Variants in ZBTB20 observed in about 807,000 individuals in gnomAD.
ZBTB20 encodes the protein zinc finger and BTB domain-containing protein 20.
In ZBTB20, 9 loss-of-function variants were observed where a neutral mutation model predicts 56.9. That is an observed-to-expected ratio of 0.16 (90% CI 0.10 to 0.28). The LOEUF is 0.28. ZBTB20 is among the 10% of genes least tolerant of loss of function. The pLI, the probability that ZBTB20 is intolerant of heterozygous loss-of-function variation, is 1.00. For synonymous variants in ZBTB20, 417 were observed against 420.7 expected (o/e 0.99, Z 0.11); for missense variants, 655 against 1,003.0 (o/e 0.65, Z 4.69).
intron 6 of ZBTB20, among the ~76,000 whole-genome samples, chr3:114,666,025 C>G (rs1243236353): frequency 1.3e-5 from 2 of 152,006 alleles, no homozygotes; most frequent in Non-Finnish European, 2.9e-5. Context: ...TGTCACTATC[C>G]TAAATGGACC....
intron 1 of ZBTB20, among the ~76,000 whole-genome samples, chr3:115,111,005 A>AAAATAAAAAT (rs2083863730): frequency 1.4e-5 from 2 of 144,748 alleles, no homozygotes; most frequent in Non-Finnish European, 3.0e-5. Flanking sequence ...AATAAAAATA[A>AAAATAAAAAT]AAATAAATAA....
chr3:115,044,826 T>C (rs1378479073), intron 2 of ZBTB20, among the ~76,000 whole-genome samples: 1 of 152,206 alleles, frequency 6.6e-6, no homozygotes, highest in Non-Finnish European at 1.5e-5. Flanking sequence ...TATGTGGATA[T>C]TGTGAGAATT....
intron 2 of ZBTB20, among the ~76,000 whole-genome samples, chr3:114,992,414 CTCTT>C (rs767756986): frequency 1.3e-5 from 2 of 152,092 alleles, no homozygotes; most frequent in South Asian, 4.1e-4. Context: ...AGTTGTATCT[CTCTT>C]TCTTTTCATA....
chr3:114,460,075 G>C (rs1173824150), intron 7 of ZBTB20, among the ~76,000 whole-genome samples: 1 of 152,024 alleles, frequency 6.6e-6, no homozygotes, highest in East Asian at 1.9e-4. Context: ...TGGTAGAAGT[G>C]AACTAGTGCT....
At chr3:114,728,231 T>C (rs2065450344) in intron 5 of ZBTB20, among the ~76,000 whole-genome samples, 1 of 152,160 alleles carries the variant, frequency 6.6e-6, no homozygotes, top group South Asian at 2.1e-4. Flanking sequence ...GAAGGAGAAA[T>C]GCATTTGTAT....
intron 6 of ZBTB20, among the ~76,000 whole-genome samples, chr3:114,584,101 T>C (rs2054927936): frequency 6.6e-6 from 1 of 152,214 alleles, no homozygotes; most frequent in African/African-American, 2.4e-5. Flanking sequence ...GAGGTGTTTT[T>C]CTTCTTTCCT....
chr3:114,460,938 T>C (rs1349643754), intron 7 of ZBTB20, among the ~76,000 whole-genome samples: 1 of 152,234 alleles, frequency 6.6e-6, no homozygotes, highest in African/African-American at 2.4e-5. Flanking sequence ...TCTTTTCTCC[T>C]GACACTAAGA....
intron 4 of ZBTB20, among the ~76,000 whole-genome samples, chr3:114,811,389 A>C (rs1327910625): frequency 1.3e-5 from 2 of 152,220 alleles, no homozygotes; most frequent in African/African-American, 4.8e-5. Context: ...TCCACAATAA[A>C]GTTCCCTTGA....
chr3:114,423,775 A>T (rs1245407573), intron 7 of ZBTB20, among the ~76,000 whole-genome samples: 1 of 152,222 alleles, frequency 6.6e-6, no homozygotes, highest in Non-Finnish European at 1.5e-5. Flanking sequence ...AATTTAGTTA[A>T]CATGCTACTA....
chr3:114,792,033 T>C (rs2070994294), intron 5 of ZBTB20: 1 of 152,114 alleles, frequency 6.6e-6, no homozygotes, highest in Admixed American at 6.6e-5. Flanking sequence ...GTAACACTCT[T>C]TATTGTTCCT....
intron 11 of ZBTB20, among the ~76,000 whole-genome samples, chr3:114,343,366 T>C (rs1438381466): frequency 2.0e-5 from 3 of 152,142 alleles, no homozygotes; most frequent in Non-Finnish European, 2.9e-5. Context: ...AAAAAGACAA[T>C]GAATGCTGTT....
chr3:114,855,747 T>C (rs1377314986), intron 4 of ZBTB20, among the ~76,000 whole-genome samples: 1 of 152,178 alleles, frequency 6.6e-6, no homozygotes, highest in Non-Finnish European at 1.5e-5. Flanking sequence ...AGTCTTCATT[T>C]GGGGAGCAGC....
chr3:115,002,102 T>C (rs2079276091), intron 2 of ZBTB20, among the ~76,000 whole-genome samples: 1 of 151,510 alleles, frequency 6.6e-6, no homozygotes, highest in Non-Finnish European at 1.5e-5. Context: ...CAGTCAACTG[T>C]TCTTTGACAA....
At chr3:114,451,591 TGC>T (rs545518404) in intron 7 of ZBTB20, among the ~76,000 whole-genome samples, 1,610 of 152,232 alleles carry the variant, frequency 0.011, 18 homozygotes, top group Non-Finnish European at 0.017. Context: ...CATATGCATG[TGC>T]GCACACACGC....
chr3:115,080,008 T>C (rs1425902372), intron 1 of ZBTB20, among the ~76,000 whole-genome samples: 2 of 152,216 alleles, frequency 1.3e-5, no homozygotes, highest in Non-Finnish European at 2.9e-5. Context: ...AATAGCTCAG[T>C]GTTACAAACT....
chr3:114,436,682 T>C (rs1051051163), intron 7 of ZBTB20, among the ~76,000 whole-genome samples: 3 of 152,192 alleles, frequency 2.0e-5, no homozygotes, highest in African/African-American at 7.2e-5. Context: ...TTATTCACTA[T>C]GTAAACCTAT....
intron 2 of ZBTB20, among the ~76,000 whole-genome samples, chr3:114,988,017 CT>C (rs993987662): frequency 3.4e-5 from 5 of 145,046 alleles, no homozygotes; most frequent in African/African-American, 1.3e-4. Context: ...CTATCGTCTT[CT>C]TTTTTTTTCT....
intron 1 of ZBTB20, among the ~76,000 whole-genome samples, chr3:115,141,920 C>T (rs1425137661): frequency 2.0e-5 from 3 of 152,044 alleles, no homozygotes; most frequent in Non-Finnish European, 4.4e-5. Context: ...CATCTTCTGC[C>T]GTTAAAAATA....
intron 5 of ZBTB20, among the ~76,000 whole-genome samples, chr3:114,717,391 A>C (rs1352697527): frequency 1.3e-5 from 2 of 152,124 alleles, no homozygotes; most frequent in East Asian, 3.9e-4. Context: ...ACCAGTAGCT[A>C]GTAGAACTTT....
Sources: gnomAD v4.1 joint callset for allele counts (sites outside exome capture counted in the v4.1 genomes callset) on GRCh38, gnomAD v4.1.1 for gene constraint, MANE v1.5 for transcripts, NCBI Gene and HGNC (gene_info 2026-07-23, HGNC 2026-07-21) for gene names.